TFAP2B: variants seen among roughly 807,000 people sequenced by gnomAD.
TFAP2B encodes the protein transcription factor AP-2-beta.
A neutral mutation model predicts 44.3 loss-of-function variants in TFAP2B; 9 were observed. The observed-to-expected ratio is 0.20, with a 90% CI of 0.12 to 0.35. The LOEUF (loss-of-function observed/expected upper bound fraction) is 0.35, where lower values mean the gene tolerates loss of function less well. Ranked by LOEUF, TFAP2B falls within the 10% of genes least tolerant of loss-of-function variation. The probability of loss-of-function intolerance (pLI) is 1.00; values close to 1 mark genes in which losing one functional copy is unlikely to be tolerated. For missense variants in TFAP2B, 509 were observed against 600.0 expected, an observed-to-expected ratio of 0.85 and a Z score of 1.59; for synonymous variants, 270 against 263.8, an observed-to-expected ratio of 1.02 and a Z score of -0.23.
intron 6 of TFAP2B, 52 bp from the exon 7 acceptor site, chr6:50,843,040 A>G: frequency 2.5e-6 from 4 of 1,611,746 alleles, no homozygotes; most frequent in Non-Finnish European, 3.4e-6. Flanking sequence ...TTCTAATGCC[A>G]ATGACAACGA....
chr6:50,828,750 C>T (rs529017160), intron 3 of TFAP2B, 71 bp downstream of exon 3: 9 of 1,525,334 alleles, frequency 5.9e-6, no homozygotes, highest in Admixed American at 1.7e-5. Context: ...TGAATTTTCA[C>T]TTTGGGGGAA....
intron 2 of TFAP2B, among the ~76,000 whole-genome samples, chr6:50,824,485 T>C (rs939929687): frequency 8.5e-5 from 13 of 152,172 alleles, no homozygotes; most frequent in African/African-American, 2.7e-4. Context: ...ATCTGAGAAA[T>C]AGAATATATG....
At chr6:50,821,786 A>G (rs1581806786) in intron 1 of TFAP2B, 1 of 243,322 alleles carries the variant, frequency 4.1e-6, no homozygotes, top group African/African-American at 2.2e-5. Flanking sequence ...ATGAATATCA[A>G]TTATTATGAG....
intron 2 of TFAP2B, among the ~76,000 whole-genome samples, chr6:50,825,389 A>G (rs1278659505): frequency 6.6e-6 from 1 of 152,130 alleles, no homozygotes; most frequent in Non-Finnish European, 1.5e-5. Flanking sequence ...TGGATAATGA[A>G]AGTGGATCAA....
chr6:50,833,146 A>C (rs1240482730), intron 3 of TFAP2B, among the ~76,000 whole-genome samples: 3 of 152,196 alleles, frequency 2.0e-5, no homozygotes, highest in African/African-American at 7.2e-5. Context: ...TATCTCAGTC[A>C]TCTCTGGGTT....
chr6:50,838,006 C>A lies in TFAP2B; in HGVS notation c.853C>A (p.Arg285=), dbSNP rs1474152110. Residue 285 remains arginine, a synonymous_variant, in exon 5 of 7, where the codon CGA becomes AGA. Transcript: ENST00000393655. ...AKSKNGGRSL[R]ERLEKIGLNL... is the part of the protein sequence containing the mutation. ...ATCGAAAAATGGGGGGAGATCTTTGCGAGAAAGGCTAGAAAAAATCGGTTT... is the reference window on the plus strand; with the variant it reads ...ATCGAAAAATGGGGGGAGATCTTTGAGAGAAAGGCTAGAAAAAATCGGTTT... 6.2e-7 allele frequency: 1 copy of A among 1,614,050 alleles called. No individual in the cohort carries two copies. Among genetic ancestry groups the A allele is most frequent in the Non-Finnish European group, 8.5e-7 (1 of 1,180,002 alleles).
chr6:50,827,145 A>G (rs1488174584), intron 2 of TFAP2B, among the ~76,000 whole-genome samples: 2 of 152,148 alleles, frequency 1.3e-5, no homozygotes, highest in African/African-American at 4.8e-5. Context: ...GGTCCAGGCC[A>G]GTGTAAGTCA....
chr6:50,822,419 T>C (rs1290709526), intron 1 of TFAP2B, among the ~76,000 whole-genome samples: 1 of 152,166 alleles, frequency 6.6e-6, no homozygotes, highest in African/African-American at 2.4e-5. Context: ...TATTTGCCAT[T>C]GCTGTTTGGA....
Position 50,844,688 on chromosome 6 carries a change from C to T in TFAP2B, c.*1296C>T, listed in dbSNP as rs1049670392. On this transcript the variant is annotated 3_prime_UTR_variant, in exon 7 of 7. Transcript: ENST00000393655. ...GGAAAAGAGTAAGGATTCTTAGAGC[C>T]CTATATTCTAATAGTATTGCCCTGC... 6.6e-6 allele frequency: 1 copy of T among 152,610 alleles called. No individual in the cohort carries two copies. The highest frequency in any genetic ancestry group is 2.4e-5 in the African/African-American group (1 of 41,516). 9.5% of individuals were successfully genotyped at this position (152,610 alleles called of 1,614,324 possible). A position where few individuals can be genotyped will look rare whatever the true frequency, so the allele number is the denominator to read the frequency against.
In TFAP2B at chr6:50,823,705, C is replaced by A. The variant is rs1462968881; in HGVS notation, c.380C>A (p.Ala127Asp). The stretch of plus-strand genomic sequence containing the variant: ...GGCTCTCTCCTGCCCCAGCCTCGGG[C>A]CGCCTTGCCCCAGCTCTCGGGCCTT... ...EAGSLLPQPR[A>D]ALPQLSGLDP... The change falls in exon 2 of 7, where the codon GCC becomes GAC. Residue 127 changes from alanine to aspartate, a missense_variant. Transcript: ENST00000393655. 5 of 1,613,382 alleles carry A rather than the reference C, an allele frequency of 3.1e-6. No individual in the cohort carries two copies. The South Asian group carries it at 5.5e-5, about 18-fold the overall frequency.
intron 3 of TFAP2B, chr6:50,830,260 T>G (rs1424211216): frequency 1.0e-6 from 1 of 980,308 alleles, no homozygotes; most frequent in African/African-American, 1.8e-5. Context: ...CAGGGGAACA[T>G]GCCCAACAGA....
rs116177339 is a variant in TFAP2B at position 50,845,898 on chromosome 6, C to T, written c.*2506C>T. On this transcript the variant is annotated 3_prime_UTR_variant, in exon 7 of 7. Coordinates refer to ENST00000393655, the MANE Select transcript of TFAP2B (RefSeq NM_003221.4). The stretch of plus-strand genomic sequence containing the variant: ...CTAAGGGCTAAGGCGACCGAGAAAG[C>T]CCCATTCTCCAGTAGGTAATGGGGC... 1,385 of 152,670 alleles carry T rather than the reference C, an allele frequency of 9.1e-3. 13 individuals are homozygous for T. Among genetic ancestry groups the T allele is most frequent in the Non-Finnish European group, 0.016 (1,104 of 68,028 alleles). The allele number at this position is 152,670 out of a possible 1,614,324, so 9.5% of individuals were successfully genotyped here.
At chr6:50,821,080 C>G (rs188001885) in intron 1 of TFAP2B, among the ~76,000 whole-genome samples, 1 of 152,338 alleles carries the variant, frequency 6.6e-6, no homozygotes, top group East Asian at 1.9e-4. Flanking sequence ...TGAACTTTAA[C>G]AGAAATGGCA....
At chr6:50,835,948 T>A in intron 3 of TFAP2B, 113 bp from the exon 4 acceptor site, 1 of 894,594 alleles carries the variant, frequency 1.1e-6, no homozygotes, top group Non-Finnish European at 1.9e-6. Flanking sequence ...ACTTCCTCCC[T>A]CAGCTTTCCA....
chr6:50,840,067 A>C, intron 5 of TFAP2B, 89 bp from the exon 6 acceptor site: 2 of 1,561,762 alleles, frequency 1.3e-6, no homozygotes, highest in Non-Finnish European at 1.8e-6. Flanking sequence ...TTCTCTGGAA[A>C]TACTAACAAA....
In TFAP2B at chr6:50,823,666, T is replaced by G. The variant is rs1236764303; in HGVS notation, c.341T>G (p.Val114Gly). 6 of 1,613,660 alleles carry G rather than the reference T, an allele frequency of 3.7e-6. No individual in the cohort carries two copies. The highest frequency in any genetic ancestry group is 1.6e-4 in the Middle Eastern group (1 of 6,084). Reference protein sequence around the residue: ...HPWGQRQRQEVGSEAGSLLPQ... With the variant: ...HPWGQRQRQEGGSEAGSLLPQ... ...TGGGGGCAACGGCAGCGGCAAGAAG[T>G]GGGTTCGGAAGCCGGCTCTCTCCTG... Residue 114 changes from valine (V) to glycine (G), a missense_variant, in exon 2 of 7, where the codon GTG becomes GGG. Around this residue, in one of 3 missense-constraint regions of TFAP2B, gnomAD observed 296 missense variants for 308.2 expected, o/e 0.96. Coordinates refer to ENST00000393655, the MANE Select transcript of TFAP2B (RefSeq NM_003221.4).
At chr6:50,823,338 T>C (rs1297617275) in intron 1 of TFAP2B, 69 bp from the exon 2 acceptor site, 17 of 1,348,262 alleles carry the variant, frequency 1.3e-5, no homozygotes, top group Non-Finnish European at 1.8e-5. Context: ...TCTCTGTCTC[T>C]CTCTGCCTCT....
chr6:50,818,905 C>T lies in TFAP2B; in HGVS notation c.14C>T (p.Pro5Leu). The T allele has an allele frequency of 2.5e-6, 4 of 1,614,052 alleles. No individual in the cohort carries two copies. The highest frequency in any genetic ancestry group is 3.4e-6 in the Non-Finnish European group (4 of 1,179,986). Residue 5 changes from proline to leucine, a missense_variant, in exon 1 of 7, where the codon CCT becomes CTT. Transcript: ENST00000393655. ...CTCCTCACATGAATGCACTCACCTC[C>T]TAGAGACCAGGCTGCCATCATGCTC... Reference protein sequence around the residue: MHSPPRDQAAIMLWK... With the variant: MHSPLRDQAAIMLWK...
chr6:50,839,470 G>C (rs1208701324), intron 5 of TFAP2B, among the ~76,000 whole-genome samples: 1 of 152,160 alleles, frequency 6.6e-6, no homozygotes, highest in Non-Finnish European at 1.5e-5. Flanking sequence ...TACTTGAAAG[G>C]GGCTTTCACA....
Sources: gnomAD v4.1 joint callset for allele counts (sites outside exome capture counted in the v4.1 genomes callset) on GRCh38, gnomAD v4.1.1 for gene constraint, gnomAD v4.1.1 regional missense constraint, MANE v1.5 for transcripts, NCBI Gene and HGNC (gene_info 2026-07-23, HGNC 2026-07-21) for gene names.